The following PTBP3 variants were observed in gnomAD, a reference collection of about 807,000 sequenced individuals.
The protein encoded by PTBP3 is polypyrimidine tract binding protein 3, also known as polypyrimidine tract-binding protein 3.
Under a neutral mutation model 58.7 loss-of-function variants are expected in PTBP3, and 20 were observed. The ratio of observed to expected loss-of-function variants is 0.34; its 90% CI spans 0.24 to 0.50. PTBP3 has a LOEUF of 0.50. Among genes scored for constraint, PTBP3 ranks in the 20% least tolerant of loss-of-function variants. The pLI is 0.98. For synonymous variants in PTBP3, 185 were observed against 219.8 expected (o/e 0.84, Z 1.40); for missense variants, 509 against 637.2 (o/e 0.80, Z 2.17).
intron 1 of PTBP3, among the ~76,000 whole-genome samples, chr9:112,300,569 G>A (rs1797787828): frequency 4.6e-5 from 7 of 151,702 alleles, no homozygotes; most frequent in Admixed American, 4.6e-4. Flanking sequence ...TGGCTAACAT[G>A]GTGAAACCCC....
At chr9:112,281,815 T>C (rs981997548) in intron 2 of PTBP3, among the ~76,000 whole-genome samples, 9 of 152,244 alleles carry the variant, frequency 5.9e-5, no homozygotes, top group Non-Finnish European at 1.2e-4. Context: ...GTCAAATTTA[T>C]TAGCTTAAAA....
At chr9:112,349,291 C>T in the PTBP3 span, among the ~76,000 whole-genome samples, 1 of 152,220 alleles carries the variant, frequency 6.6e-6, no homozygotes, top group East Asian at 1.9e-4. Context: ...AGTTCTGTAC[C>T]ACCACTCCTC....
At position 112,275,942 on chromosome 9, in the gene PTBP3, G is replaced by A. The variant is rs267602087; in HGVS notation, c.106C>T (p.Arg36Ter). The A allele has an allele frequency of 2.5e-6, 4 of 1,613,648 alleles. No individual in the cohort carries two copies. The highest frequency in any genetic ancestry group is 2.5e-6 in the Non-Finnish European group (3 of 1,179,608). Residue 36 changes from arginine to a stop codon, truncating the protein, a stop_gained, in exon 3 of 14, where the codon CGA becomes TGA. Coordinates refer to ENST00000374257, the MANE Select transcript of PTBP3 (RefSeq NM_001163788.4). LOFTEE classifies it high-confidence loss of function. ...TCGGTGACATCACATGGAATTTTTC[G>A]AAGATGGAGAACACGGGAAGGCGAA... ...PCSPSRVLHL[R>*]KIPCDVTEAE... is the part of the protein sequence containing the mutation.
intron 1 of PTBP3, chr9:112,298,452 TA>T: frequency 2.4e-6 from 1 of 408,464 alleles, no homozygotes; most frequent in Non-Finnish European, 4.8e-6. Flanking sequence ...TTTTTTCAGG[TA>T]AGAGTTTTGA....
intron 1 of PTBP3, among the ~76,000 whole-genome samples, chr9:112,325,046 G>A (rs1048026054): frequency 3.9e-5 from 6 of 152,144 alleles, no homozygotes; most frequent in Non-Finnish European, 7.4e-5. Context: ...ATAAATGTTC[G>A]TGGTAGCTTT....
chr9:112,218,286 T>C (rs930101992), downstream of PTBP3: 1 of 152,272 alleles, frequency 6.6e-6, no homozygotes, highest in Non-Finnish European at 1.5e-5. Flanking sequence ...GTTTTTCCCA[T>C]TTTGAACATT....
chr9:112,221,607 C>T lies in PTBP3; in HGVS notation c.*2244G>A, dbSNP rs1208297333. 5.1e-6 allele frequency: 5 copies of T among 985,234 alleles called. No homozygotes were observed. Among genetic ancestry groups the T allele is most frequent in the Non-Finnish European group, 6.0e-6 (5 of 829,890 alleles). 61.0% of individuals were successfully genotyped at this position (985,234 alleles called of 1,614,324 possible). A position where few individuals can be genotyped will look rare whatever the true frequency, so the allele number is the denominator to read the frequency against. The stretch of plus-strand genomic sequence containing the variant: ...AATTTTTTTCCTCCTTCATATACCC[C>T]TTGTGTCTAGGTCAAAACTTATTTC... On this transcript the variant is annotated 3_prime_UTR_variant, in exon 14 of 14. Coordinates refer to ENST00000374257, the MANE Select transcript of PTBP3 (RefSeq NM_001163788.4).
Position 112,297,894 on chromosome 9 carries a change from GA to G in PTBP3, c.-30del. Reference sequence around the variant, plus strand: ...AAAAGGTCCGTTAATGATGCCAGAAGAAAGAAGCTCATCAGATCCCCGCTGA... The same window carrying G: ...AAAAGGTCCGTTAATGATGCCAGAAGAAGAAGCTCATCAGATCCCCGCTGA... On this transcript the variant is annotated 5_prime_UTR_variant, in exon 2 of 14. It introduces an in-frame stop codon into an upstream open reading frame of the 5' UTR. Transcript: ENST00000374257. The G allele has an allele frequency of 6.2e-7, 1 of 1,612,426 alleles. No homozygotes were observed. The highest frequency in any genetic ancestry group is 2.2e-5 in the East Asian group (1 of 44,736).
the PTBP3 span, among the ~76,000 whole-genome samples, chr9:112,342,729 AAAG>A: frequency 2.3e-4 from 35 of 150,956 alleles, no homozygotes; most frequent in East Asian, 2.6e-3. Context: ...AAAGAAAAAC[AAAG>A]AAGAAGAAGA....
At chr9:112,308,300 T>C (rs1239042089) in intron 1 of PTBP3, among the ~76,000 whole-genome samples, 1 of 150,106 alleles carries the variant, frequency 6.7e-6, no homozygotes, top group Non-Finnish European at 1.5e-5. Flanking sequence ...GTGTTGGAAT[T>C]ACAGGCTTGA....
chr9:112,365,562 G>T, the PTBP3 span, among the ~76,000 whole-genome samples: 1 of 152,218 alleles, frequency 6.6e-6, no homozygotes, highest in Non-Finnish European at 1.5e-5. Flanking sequence ...TTTGTAAATT[G>T]TCCAGTCTTG....
Position 112,224,326 on chromosome 9 carries a change from T to C in PTBP3, c.1365-116A>G, listed in dbSNP as rs1564384541. ...TTTCAAACAGAATTATTAAGCCATA[T>C]GACAAAGACTTGATTTGGAAGTTCC... On this transcript the variant is annotated intron_variant, in intron 12 of 13. Transcript: ENST00000374257. 1.4e-5 allele frequency: 8 copies of C among 592,066 alleles called. No homozygotes were observed. The South Asian group carries it at 2.3e-4, about 17-fold the overall frequency. 36.7% of individuals were successfully genotyped at this position (592,066 alleles called of 1,614,324 possible).
At chr9:112,370,543 T>C in the PTBP3 span, among the ~76,000 whole-genome samples, 2 of 152,020 alleles carry the variant, frequency 1.3e-5, no homozygotes, top group Non-Finnish European at 2.9e-5. Context: ...CCCGTTTCAA[T>C]TAAAAAAAAA....
intron 6 of PTBP3, chr9:112,252,362 C>G (rs962583089): frequency 9.2e-5 from 28 of 304,582 alleles, no homozygotes; most frequent in Non-Finnish European, 1.7e-4. Flanking sequence ...AATGAAAGCA[C>G]GAGGGTAATG....
chr9:112,320,221 T>C (rs867729244), intron 1 of PTBP3, among the ~76,000 whole-genome samples: 5 of 146,104 alleles, frequency 3.4e-5, no homozygotes, highest in African/African-American at 1.3e-4. Context: ...AAGGCTGCAG[T>C]GAGCTATGAT....
At chr9:112,280,748 CGTGTGTGTCT>C (rs1564429952) in intron 2 of PTBP3, among the ~76,000 whole-genome samples, 1 of 135,270 alleles carries the variant, frequency 7.4e-6, no homozygotes, top group Non-Finnish European at 1.6e-5. Context: ...ACTCTTCATA[CGTGTGTGTCT>C]GTGTGTGTAT....
At chr9:112,260,098 AG>A (rs576141462) in intron 5 of PTBP3, among the ~76,000 whole-genome samples, 68 of 152,228 alleles carry the variant, frequency 4.5e-4, no homozygotes, top group South Asian at 1.0e-3. Context: ...TAGAAGAGAT[AG>A]GGTTTCACCA....
intron 3 of PTBP3, among the ~76,000 whole-genome samples, chr9:112,268,955 G>T (rs187030833): frequency 1.6e-4 from 24 of 152,202 alleles, no homozygotes; most frequent in Admixed American, 1.5e-3. Context: ...CAACACTTTG[G>T]GAGGCTGAGG....
At chr9:112,273,319 T>C (rs1365603215) in intron 3 of PTBP3, among the ~76,000 whole-genome samples, 3 of 152,238 alleles carry the variant, frequency 2.0e-5, no homozygotes, top group African/African-American at 7.2e-5. Flanking sequence ...GTCAGTAATA[T>C]ATTTTTTCTA....
Sources: allele counts gnomAD v4.1 joint callset (sites outside exome capture counted in the v4.1 genomes callset), GRCh38; gene constraint gnomAD v4.1.1; transcripts MANE v1.5; gene names NCBI Gene and HGNC (gene_info 2026-07-23, HGNC 2026-07-21).